Variants in ANKRD44 observed in about 807,000 individuals in gnomAD.
The protein encoded by ANKRD44 is ankyrin repeat domain 44.
In ANKRD44, 35 loss-of-function variants were observed where a neutral mutation model predicts 116.0. That is an observed-to-expected ratio of 0.30 (90% confidence interval 0.23 to 0.40). The LOEUF is 0.40. ANKRD44 is among the 10% of genes least tolerant of loss of function. The pLI, the probability that ANKRD44 is intolerant of heterozygous loss-of-function variation, is 1.00. For synonymous variants in ANKRD44, 435 were observed against 461.8 expected, an observed-to-expected ratio of 0.94 and a Z score of 0.74; for missense variants, 1,014 against 1,242.6, an observed-to-expected ratio of 0.82 and a Z score of 2.77.
intron 1 of ANKRD44, among the ~76,000 whole-genome samples, chr2:197,253,080 G>C (rs2082358520): frequency 6.6e-6 from 1 of 152,152 alleles, no homozygotes; most frequent in African/African-American, 2.4e-5. Flanking sequence ...AGATTTTGTT[G>C]CTGTGATAGT....
intron 16 of ANKRD44, among the ~76,000 whole-genome samples, chr2:197,037,429 A>G (rs1452676219): frequency 6.6e-6 from 1 of 152,224 alleles, no homozygotes; most frequent in African/African-American, 2.4e-5. Flanking sequence ...ATGGCCATTA[A>G]ACTGCAAATT....
intron 17 of ANKRD44, among the ~76,000 whole-genome samples, chr2:197,019,673 A>G (rs547244710): frequency 6.6e-6 from 1 of 151,450 alleles, no homozygotes; most frequent in East Asian, 1.9e-4. Flanking sequence ...ATGTTCCCGT[A>G]ACCTTTTATT....
At position 196,992,263 on chromosome 2, in the gene ANKRD44, C is replaced by T. The variant is rs543010163; in HGVS notation, c.2923+1320G>A. Among the ~76,000 whole-genome samples the T allele has an allele frequency of 2.8e-4, 43 of 152,262 alleles. No homozygotes were observed. The South Asian group carries it at 8.7e-3, about 31-fold the overall frequency. On this transcript the variant is annotated intron_variant, in intron 27 of 27. Transcript: ENST00000282272. ...GTTTATCATCACTCGACCTGCTCTC[C>T]CCACCCTGCCCTTTAGGACATCATT...
In ANKRD44 at chr2:197,062,200, T is replaced by C. The variant is rs186729786; in HGVS notation, c.1650+16503A>G. 8.6e-3 allele frequency among the ~76,000 whole-genome samples: 1,314 copies of C among 152,286 alleles called. 15 individuals carry two copies. Among genetic ancestry groups the C allele is most frequent in the Non-Finnish European group, 0.012 (825 of 68,024 alleles). ...AGCTAATGTAAGAGAAGCCACACCT[T>C]GGAAGTTGTCCTAATGGTCTGCCAG... On this transcript the variant is annotated intron_variant, in intron 16 of 27. Coordinates refer to ENST00000282272, the MANE Select transcript of ANKRD44 (RefSeq NM_001195144.2).
At chr2:197,126,535 C>A (rs2078978103) in intron 4 of ANKRD44, among the ~76,000 whole-genome samples, 1 of 152,180 alleles carries the variant, frequency 6.6e-6, no homozygotes, top group African/African-American at 2.4e-5. Flanking sequence ...TTGTTTCCAT[C>A]TTTTCCATGT....
intron 9 of ANKRD44, among the ~76,000 whole-genome samples, chr2:197,101,619 G>A (rs1037877590): frequency 6.6e-6 from 1 of 152,078 alleles, no homozygotes; most frequent in South Asian, 2.1e-4. Flanking sequence ...AAAAAAAAAG[G>A]CTTGATTATG....
chr2:197,278,732 C>T (rs2083176346), intron 1 of ANKRD44, among the ~76,000 whole-genome samples: 1 of 152,206 alleles, frequency 6.6e-6, no homozygotes, highest in Non-Finnish European at 1.5e-5. Flanking sequence ...GACCAAAAGA[C>T]CTCCCTACCC....
intron 10 of ANKRD44, among the ~76,000 whole-genome samples, chr2:197,099,293 C>A (rs1043171103): frequency 6.6e-6 from 1 of 152,058 alleles, no homozygotes; most frequent in Non-Finnish European, 1.5e-5. Context: ...ATTATGAGCG[C>A]CTTGAAACTA....
At chr2:197,254,258 C>T (rs910156580) in intron 1 of ANKRD44, among the ~76,000 whole-genome samples, 4 of 151,862 alleles carry the variant, frequency 2.6e-5, no homozygotes, top group African/African-American at 4.8e-5. Context: ...CCGGGCGTGG[C>T]GGTGGGTGCC....
At chr2:197,116,894 C>T (rs1022241618) in intron 8 of ANKRD44, among the ~76,000 whole-genome samples, 1 of 152,146 alleles carries the variant, frequency 6.6e-6, no homozygotes, top group Non-Finnish European at 1.5e-5. Context: ...GGTTTAACTC[C>T]CTAAGCCTAC....
chr2:197,099,742 A>G, intron 10 of ANKRD44, 74 bp downstream of exon 10: 2 of 1,582,912 alleles, frequency 1.3e-6, no homozygotes, highest in Non-Finnish European at 1.7e-6. Context: ...GGAACTATCT[A>G]CTGCACGGAA....
chr2:197,233,022 A>T (rs188957999), intron 1 of ANKRD44, among the ~76,000 whole-genome samples: 2 of 152,342 alleles, frequency 1.3e-5, no homozygotes, highest in East Asian at 3.9e-4. Flanking sequence ...TTGGAATAAA[A>T]CTGGTAACTG....
intron 17 of ANKRD44, among the ~76,000 whole-genome samples, chr2:197,013,964 A>C (rs1161955977): frequency 6.6e-6 from 1 of 152,260 alleles, no homozygotes; most frequent in Non-Finnish European, 1.5e-5. Context: ...TGCTCCAAAG[A>C]CACTGAATGT....
chr2:197,131,481 G>A (rs2079094831), intron 4 of ANKRD44, among the ~76,000 whole-genome samples: 1 of 152,134 alleles, frequency 6.6e-6, no homozygotes, highest in South Asian at 2.1e-4. Flanking sequence ...GTGAGCCACC[G>A]CGCCCGGCGA....
Position 197,019,144 on chromosome 2 carries a change from T to C in ANKRD44, c.1723-5432A>G, listed in dbSNP as rs535925260. On this transcript the variant is annotated intron_variant, in intron 17 of 27. Coordinates refer to ENST00000282272, the MANE Select transcript of ANKRD44 (RefSeq NM_001195144.2). The stretch of plus-strand genomic sequence containing the variant: ...TTGAATCAGAAACCTAAACCCTTTC[T>C]ATAGAAGACTCAACACAGAAATGCA... Among the ~76,000 whole-genome samples, 9 of 152,336 alleles carry C rather than the reference T, an allele frequency of 5.9e-5. No individual in the cohort carries two copies. In the South Asian group the frequency reaches 1.9e-3, roughly 32 times the overall value.
chr2:197,192,173 T>C (rs2080840432), intron 1 of ANKRD44, among the ~76,000 whole-genome samples: 1 of 152,212 alleles, frequency 6.6e-6, no homozygotes. Flanking sequence ...ACTTTCCCTT[T>C]GCCAGAGTTG....
chr2:197,301,302 T>C (rs914616491), intron 1 of ANKRD44: 3 of 152,240 alleles, frequency 2.0e-5, no homozygotes, highest in African/African-American at 7.2e-5. Context: ...ATCATTGCTA[T>C]GTAGATGGAG....
chr2:197,234,631 G>A (rs2081941216), intron 1 of ANKRD44, among the ~76,000 whole-genome samples: 1 of 152,026 alleles, frequency 6.6e-6, no homozygotes, highest in Admixed American at 6.5e-5. Context: ...TTAATAACAA[G>A]GTTTTCTGTT....
Position 197,142,482 on chromosome 2 carries a change from G to A in ANKRD44, c.190+4545C>T, listed in dbSNP as rs142381553. Among the ~76,000 whole-genome samples the A allele has an allele frequency of 4.4e-3, 673 of 152,128 alleles. 4 individuals are homozygous for A. Among genetic ancestry groups the A allele is most frequent in the African/African-American group, 0.015 (611 of 41,490 alleles). On this transcript the variant is annotated intron_variant, in intron 3 of 27. Transcript: ENST00000282272. ...AAACCAAATCATACAGCACAGGAGC[G>A]CTTCAAAACAATTACCATAGAAGAG...
Sources: gnomAD v4.1 joint callset for allele counts (sites outside exome capture counted in the v4.1 genomes callset) on GRCh38, gnomAD v4.1.1 for gene constraint, MANE v1.5 for transcripts, NCBI Gene and HGNC (gene_info 2026-07-23, HGNC 2026-07-21) for gene names.